The following FAT4 variants were observed in gnomAD, a reference collection of about 807,000 sequenced individuals.
FAT4 encodes the protein protocadherin Fat 4.
Under a neutral mutation model 303.9 loss-of-function variants are expected in FAT4, and 84 were observed. The ratio of observed to expected loss-of-function variants is 0.28; its 90% CI spans 0.23 to 0.33. The LOEUF (loss-of-function observed/expected upper bound fraction) is 0.33. FAT4 is among the 10% of genes least tolerant of loss of function. The probability of loss-of-function intolerance (pLI) is 1.00; values close to 1 mark genes in which losing one functional copy is unlikely to be tolerated. For missense variants in FAT4, 6,005 were observed against 6,146.8 expected (o/e 0.98, Z 0.77); for synonymous variants, 2,307 against 2,298.8 (o/e 1.00, Z -0.10).
Position 125,415,663 on chromosome 4 carries a change from C to G in FAT4, c.6700C>G (p.Arg2234Gly), listed in dbSNP as rs567305960. ...TYHLTVQATD[R>G]GSTPRTDTST... ...CCATTTAACTGTTCAGGCAACAGAT[C>G]GAGGCAGCACACCCAGAACTGATAC... is the stretch of plus-strand genomic sequence containing the variant. Residue 2234 changes from arginine to glycine, a missense_variant, in exon 6 of 18, where the codon CGA becomes GGA. Physicochemically the swap from Arg to Gly is moderately radical, Grantham distance 125 (BLOSUM62 -2). Transcript: ENST00000394329. The G allele has an allele frequency of 1.2e-6, 2 of 1,614,018 alleles. No individual in the cohort carries two copies. The highest frequency in any genetic ancestry group is 1.1e-5 in the South Asian group (1 of 91,088).
At chr4:125,455,237 A>G (rs1417219478) in intron 10 of FAT4, among the ~76,000 whole-genome samples, 1 of 152,232 alleles carries the variant, frequency 6.6e-6, no homozygotes, top group Non-Finnish European at 1.5e-5. Context: ...TGTATTAGGT[A>G]TGGATAAGAA....
intron 2 of FAT4, chr4:125,393,901 T>C (rs541557619): frequency 2.6e-6 from 2 of 778,356 alleles, no homozygotes; most frequent in East Asian, 4.9e-5. Flanking sequence ...CTCAGGTGAC[T>C]CAGTCAAGAA....
intron 11 of FAT4, 34 bp from the exon 12 acceptor site, chr4:125,468,478 T>G: frequency 7.2e-7 from 1 of 1,386,120 alleles, no homozygotes; most frequent in South Asian, 2.1e-5. Flanking sequence ...TTTCATGAAA[T>G]TTTATGCCAG....
intron 2 of FAT4, among the ~76,000 whole-genome samples, chr4:125,354,376 G>T (rs1190062952): frequency 6.6e-6 from 1 of 151,608 alleles, no homozygotes; most frequent in African/African-American, 2.4e-5. Flanking sequence ...AGATACTTTG[G>T]TGTTATATAT....
intron 8 of FAT4, among the ~76,000 whole-genome samples, chr4:125,436,069 A>T (rs1725440665): frequency 1.3e-5 from 2 of 151,642 alleles, no homozygotes; most frequent in South Asian, 4.2e-4. Context: ...GAGGGATAGC[A>T]TTAGGAGATA....
rs569059872 is a variant in FAT4 at position 125,338,939 on chromosome 4, A to G, written c.5175+17353A>G. ...TTAAAGCATGTGGACCTTGGGCCTC[A>G]TCCAAGGGATACTCTAGTGTACCTT... On this transcript the variant is annotated intron_variant, in intron 2 of 17. Coordinates refer to ENST00000394329, the MANE Select transcript of FAT4 (RefSeq NM_001291303.3). 3.3e-5 allele frequency among the ~76,000 whole-genome samples: 5 copies of G among 152,266 alleles called. No homozygotes were observed. The East Asian group carries it at 9.7e-4, about 30-fold the overall frequency.
chr4:125,475,990 A>G (rs1279863004), intron 12 of FAT4, among the ~76,000 whole-genome samples, 181 bp from the exon 13 acceptor site: 4 of 152,166 alleles, frequency 2.6e-5, no homozygotes, highest in Admixed American at 1.3e-4. Context: ...AGTTTGAGAT[A>G]TCAAAGAAAC....
rs182040002 is a variant in FAT4 at position 125,367,896 on chromosome 4, G to A, written c.5176-30888G>A. On this transcript the variant is annotated intron_variant, in intron 2 of 17. Coordinates refer to ENST00000394329, the MANE Select transcript of FAT4 (RefSeq NM_001291303.3). ...AGGGAAAATGGTGAGTTCATGTGTG[G>A]AAGTTCTACTCTGACTCAGGTAGGT... is the stretch of plus-strand genomic sequence containing the variant. Among the ~76,000 whole-genome samples the A allele has an allele frequency of 1.6e-4, 24 of 152,218 alleles. 1 individual carries two copies. Among genetic ancestry groups the A allele is most frequent in the Admixed American group, 5.2e-4 (8 of 15,280 alleles).
intron 7 of FAT4, among the ~76,000 whole-genome samples, chr4:125,434,024 CT>C (rs1725364715): frequency 6.6e-6 from 1 of 152,164 alleles, no homozygotes; most frequent in Non-Finnish European, 1.5e-5. Flanking sequence ...ATGACATATA[CT>C]TTTCGTGCAG....
chr4:125,451,732 T>C lies in FAT4; in HGVS notation c.10722T>C (p.Ile3574=). The C allele has an allele frequency of 6.2e-7, 1 of 1,614,168 alleles. No homozygotes were observed. ...TAGVLSTTRE[I]DREQIADFYL... ...GAGTTCTGAGCACAACCAGAGAGAT[T>C]GACAGAGAGCAGATTGCAGACTTCT... Residue 3574 remains isoleucine (I), a synonymous_variant, in exon 10 of 18, where the codon ATT becomes ATC. Coordinates refer to ENST00000394329, the MANE Select transcript of FAT4 (RefSeq NM_001291303.3).
At chr4:125,431,878 G>C (rs1216134942) in intron 7 of FAT4, among the ~76,000 whole-genome samples, 1 of 151,704 alleles carries the variant, frequency 6.6e-6, no homozygotes, top group Non-Finnish European at 1.5e-5. Context: ...GCAACTGGTG[G>C]GAATTCTACT....
Position 125,317,977 on chromosome 4 carries a change from G to T in FAT4, c.1566G>T (p.Trp522Cys). 6.2e-7 allele frequency: 1 copy of T among 1,614,158 alleles called. No individual in the cohort carries two copies. Among genetic ancestry groups the T allele is most frequent in the Non-Finnish European group, 8.5e-7 (1 of 1,180,036 alleles). The change falls in exon 2 of 18, where the codon TGG becomes TGT. Residue 522 changes from tryptophan (W) to cysteine (C), a missense_variant. Trp to Cys is a radical substitution (Grantham distance 215, BLOSUM62 -2). Coordinates refer to ENST00000394329, the MANE Select transcript of FAT4 (RefSeq NM_001291303.3). The surrounding 1 kb of genome is among the most constrained non-coding windows in gnomAD (Gnocchi z 7.0). ...TTGTCTCTGGCAATGGACTGGGATG[G>T]TTCCATATCAGTGAACATAGCGGCC... ...YSIVSGNGLG[W>C]FHISEHSGLV...
intron 8 of FAT4, among the ~76,000 whole-genome samples, chr4:125,434,858 G>A (rs550183179): frequency 1.4e-4 from 22 of 152,262 alleles, no homozygotes; most frequent in Admixed American, 4.6e-4. Context: ...AGAACTTCCT[G>A]ATGTGGTTCT....
chr4:125,338,512 A>G (rs1042342904), intron 2 of FAT4, among the ~76,000 whole-genome samples: 2 of 152,212 alleles, frequency 1.3e-5, no homozygotes, highest in African/African-American at 4.8e-5. Flanking sequence ...ACATATTTCA[A>G]ATATGCATGG....
chr4:125,423,997 T>C (rs955756519), intron 7 of FAT4, among the ~76,000 whole-genome samples: 4 of 152,232 alleles, frequency 2.6e-5, no homozygotes, highest in Non-Finnish European at 5.9e-5. Context: ...CTGCTTTGCT[T>C]TTGATTTTAC....
Position 125,491,219 on chromosome 4 carries a change from C to T in FAT4, c.14403C>T (p.Arg4801=). ...IEEVERLNTP[R]PRNPSICSAD... is the part of the protein sequence containing the mutation. Reference sequence around the variant, plus strand: ...AAGTGGAGAGGCTCAACACACCTCGCCCTAGAAACCCAAGTATCTGCAGTG... The same window carrying T: ...AAGTGGAGAGGCTCAACACACCTCGTCCTAGAAACCCAAGTATCTGCAGTG... Residue 4801 remains arginine, a synonymous_variant, in exon 18 of 18, where the codon CGC becomes CGT. Coordinates refer to ENST00000394329, the MANE Select transcript of FAT4 (RefSeq NM_001291303.3). 1.2e-6 allele frequency: 2 copies of T among 1,614,116 alleles called. No homozygotes were observed. The highest frequency in any genetic ancestry group is 1.1e-5 in the South Asian group (1 of 91,084).
intron 15 of FAT4, among the ~76,000 whole-genome samples, chr4:125,481,273 A>G (rs569007456): frequency 6.6e-6 from 1 of 152,310 alleles, no homozygotes; most frequent in South Asian, 2.1e-4. Flanking sequence ...TTAGTAAAAT[A>G]TTTCCCAAAT....
At position 125,319,434 on chromosome 4, in the gene FAT4, C is replaced by T. The variant is rs749387412; in HGVS notation, c.3023C>T (p.Ser1008Leu). Residue 1008 changes from serine (S) to leucine (L), a missense_variant, in exon 2 of 18, where the codon TCA (serine) becomes TTA (leucine). Coordinates refer to ENST00000394329, the MANE Select transcript of FAT4 (RefSeq NM_001291303.3). The stretch of plus-strand genomic sequence containing the variant: ...TCTTATGAAGTCACCCTTTCTGAGT[C>T]AGAACCTGTGAATTCTCGATTCTTT... ...QLSYEVTLSE[S>L]EPVNSRFFKV... 8.7e-6 allele frequency: 14 copies of T among 1,613,658 alleles called. No homozygotes were observed. The South Asian group carries it at 1.2e-4, about 14-fold the overall frequency.
intron 12 of FAT4, among the ~76,000 whole-genome samples, chr4:125,475,862 AT>A (rs1727009718): frequency 6.6e-6 from 1 of 152,090 alleles, no homozygotes; most frequent in Non-Finnish European, 1.5e-5. Context: ...CCTATTGTGT[AT>A]TATTCTAAAA....
Sources: allele counts gnomAD v4.1 joint callset (sites outside exome capture counted in the v4.1 genomes callset), GRCh38; gene constraint gnomAD v4.1.1; non-coding constraint Gnocchi (gnomAD v3.1); transcripts MANE v1.5; gene names NCBI Gene and HGNC (gene_info 2026-07-23, HGNC 2026-07-21).